Variants in OR7E24 observed in about 807,000 individuals in gnomAD.
OR7E24 encodes olfactory receptor 7E24.
For missense variants in OR7E24, 385 were observed against 410.3 expected (o/e 0.94, Z 0.53); for synonymous variants, 130 against 157.5 (o/e 0.83, Z 1.31).
the OR7E24 span, among the ~76,000 whole-genome samples, chr19:9,226,073 C>T: frequency 2.6e-5 from 4 of 152,336 alleles, no homozygotes; most frequent in East Asian, 7.7e-4. Flanking sequence ...TCAATTACTC[C>T]TGCCAGGTGG....
chr19:9,235,708 C>T, the OR7E24 span: 57 of 1,603,742 alleles, frequency 3.6e-5, no homozygotes, highest in East Asian at 2.7e-4. Flanking sequence ...CAAGGTGGCC[C>T]GCTCTGATGC....
Position 9,250,963 on chromosome 19 carries a change from G to T in OR7E24, c.-81G>T. ...TCACAACTGAGAACTATTGCTGAGG[G>T]TGTATAATCCTATGTGAAAACTTAA... On this transcript the variant is annotated 5_prime_UTR_variant, in exon 1 of 1. Coordinates refer to ENST00000456448, the MANE Select transcript of OR7E24 (RefSeq NM_001079935.2). 2 of 1,000,846 alleles carry T rather than the reference G, an allele frequency of 2.0e-6. No individual in the cohort carries two copies. Among genetic ancestry groups the T allele is most frequent in the South Asian group, 3.5e-5 (2 of 57,442 alleles). The allele number at this position is 1,000,846 out of a possible 1,614,324, so 62.0% of individuals were successfully genotyped here. A position where few individuals can be genotyped will look rare whatever the true frequency, so the allele number is the denominator to read the frequency against.
At chr19:9,222,414 A>G in the OR7E24 span, among the ~76,000 whole-genome samples, 9 of 152,170 alleles carry the variant, frequency 5.9e-5, no homozygotes, top group African/African-American at 2.2e-4. Context: ...TAATATAGCA[A>G]TTCTTCCAGT....
At chr19:9,228,441 C>G in the OR7E24 span, among the ~76,000 whole-genome samples, 1 of 151,842 alleles carries the variant, frequency 6.6e-6, no homozygotes, top group South Asian at 2.1e-4. Flanking sequence ...CTCCATGCCC[C>G]CGTTAGGCTA....
chr19:9,214,876 C>A, the OR7E24 span: 9 of 1,295,642 alleles, frequency 6.9e-6, no homozygotes, highest in Non-Finnish European at 8.6e-6. Flanking sequence ...GAAAAAGCAA[C>A]GTTTAATGAA....
the OR7E24 span, among the ~76,000 whole-genome samples, chr19:9,227,858 A>G: frequency 1.4e-5 from 2 of 139,338 alleles, no homozygotes; most frequent in Non-Finnish European, 3.0e-5. Flanking sequence ...GGTTCATGCC[A>G]TTCTCCTGCC....
At chr19:9,214,245 A>G in the OR7E24 span, 8 of 1,614,120 alleles carry the variant, frequency 5.0e-6, no homozygotes, top group Non-Finnish European at 6.8e-6. Flanking sequence ...CACATACAAG[A>G]CAATGTTATT....
At chr19:9,248,210 G>A (rs1027249022), upstream of OR7E24, among the ~76,000 whole-genome samples, 3 of 152,138 alleles carry the variant, frequency 2.0e-5, no homozygotes, top group African/African-American at 7.2e-5. Flanking sequence ...GGAGGAAGAT[G>A]CCAGTCACCA....
chr19:9,233,110 T>A, the OR7E24 span, among the ~76,000 whole-genome samples: 940 of 152,284 alleles, frequency 6.2e-3, 6 homozygotes, highest in Middle Eastern at 0.01. Flanking sequence ...GTCTATTCTT[T>A]CCTTGCTTCC....
At chr19:9,223,763 G>A in the OR7E24 span, among the ~76,000 whole-genome samples, 1 of 146,108 alleles carries the variant, frequency 6.8e-6, no homozygotes, top group Middle Eastern at 3.2e-3. Flanking sequence ...AATAGTACAG[G>A]ACATCTCCTG....
chr19:9,215,642 A>G, the OR7E24 span, among the ~76,000 whole-genome samples: 2 of 152,228 alleles, frequency 1.3e-5, no homozygotes, highest in Admixed American at 1.3e-4. Context: ...TAAATTATTG[A>G]TATTACTTTC....
Position 9,252,221 on chromosome 19 carries a change from C to A in OR7E24, c.*158C>A, listed in dbSNP as rs967997869. 8.2e-6 allele frequency: 5 copies of A among 612,506 alleles called. No individual in the cohort carries two copies. Among genetic ancestry groups the A allele is most frequent in the Admixed American group, 3.0e-5 (1 of 33,556 alleles). 37.9% of individuals were successfully genotyped at this position (612,506 alleles called of 1,614,324 possible). ...TGCAATGGGTGAGTATTCTGGTATC[C>A]TTTGTTCATCATACACATCATGAAT... On this transcript the variant is annotated 3_prime_UTR_variant, in exon 1 of 1. Coordinates refer to ENST00000456448, the MANE Select transcript of OR7E24 (RefSeq NM_001079935.2).
At chr19:9,228,771 G>A in the OR7E24 span, among the ~76,000 whole-genome samples, 1 of 152,204 alleles carries the variant, frequency 6.6e-6, no homozygotes. Context: ...GGGAGAAAAT[G>A]GGGAGATGCT....
the OR7E24 span, among the ~76,000 whole-genome samples, chr19:9,233,563 G>A: frequency 6.6e-6 from 1 of 152,146 alleles, no homozygotes; most frequent in Non-Finnish European, 1.5e-5. Context: ...CACCTGGCAG[G>A]CATTCTGAAG....
chr19:9,222,841 G>C, the OR7E24 span, among the ~76,000 whole-genome samples: 1 of 152,082 alleles, frequency 6.6e-6, no homozygotes, highest in Non-Finnish European at 1.5e-5. Flanking sequence ...ACTATATTGA[G>C]TAGAAGTGGT....
chr19:9,225,481 A>AGAAG, the OR7E24 span, among the ~76,000 whole-genome samples: 7 of 147,350 alleles, frequency 4.8e-5, no homozygotes. Flanking sequence ...AAGGAAGGAA[A>AGAAG]GAAGGAAGGA....
chr19:9,229,300 C>T, the OR7E24 span, among the ~76,000 whole-genome samples: 3 of 151,888 alleles, frequency 2.0e-5, no homozygotes, highest in Non-Finnish European at 2.9e-5. Context: ...GAGGCTGAGG[C>T]GGGTGGATCA....
chr19:9,250,147 T>C (rs879596362), upstream of OR7E24, among the ~76,000 whole-genome samples: 2 of 152,148 alleles, frequency 1.3e-5, no homozygotes, highest in Middle Eastern at 3.4e-3. Flanking sequence ...CTGCCTAGAG[T>C]GCGGTGGTAT....
chr19:9,226,167 A>G, the OR7E24 span, among the ~76,000 whole-genome samples: 1 of 152,226 alleles, frequency 6.6e-6, no homozygotes, highest in African/African-American at 2.4e-5. Context: ...CCCTTTCTCT[A>G]GAAGGGCTAA....
Sources: allele counts gnomAD v4.1 joint callset (sites outside exome capture counted in the v4.1 genomes callset), GRCh38; gene constraint gnomAD v4.1.1; transcripts MANE v1.5; gene names NCBI Gene and HGNC (gene_info 2026-07-23, HGNC 2026-07-21).